The following GOLM1 variants were observed in gnomAD, a reference collection of about 807,000 sequenced individuals.
GOLM1 encodes the protein golgi membrane protein 1.
Under a neutral mutation model 50.5 loss-of-function variants are expected in GOLM1, and 31 were observed. The observed-to-expected ratio is 0.61, with a 90% CI of 0.46 to 0.83. GOLM1 has a LOEUF of 0.83. Among genes scored for constraint, GOLM1 ranks in the 40% least tolerant of loss-of-function variants. GOLM1 has a pLI of 0.00. For synonymous variants in GOLM1, 178 were observed against 192.8 expected, an observed-to-expected ratio of 0.92 and a Z score of 0.64; for missense variants, 491 against 501.3, an observed-to-expected ratio of 0.98 and a Z score of 0.20.
At chr9:86,100,089 G>A (rs2225237), upstream of GOLM1, 36,758 of 152,244 alleles carry the variant, frequency 0.24, 7,538 homozygotes, top group African/African-American at 0.54. Context: ...GGTTGTCACC[G>A]CTCAGGCCTT....
At chr9:86,077,279 G>A in intron 3 of GOLM1, 133 bp downstream of exon 3, 2 of 730,772 alleles carry the variant, frequency 2.7e-6, no homozygotes, top group Non-Finnish European at 4.7e-6. Flanking sequence ...CCCAAAGCTT[G>A]ATCAATAGGC....
At chr9:86,052,415 T>C in intron 4 of GOLM1, 122 bp downstream of exon 4, 1 of 784,030 alleles carries the variant, frequency 1.3e-6, no homozygotes, top group Non-Finnish European at 2.2e-6. Flanking sequence ...GATTGCTCAA[T>C]GACTCATGAC....
intron 1 of GOLM1, among the ~76,000 whole-genome samples, chr9:86,091,636 G>A (rs1321453090): frequency 6.6e-6 from 1 of 152,130 alleles, no homozygotes; most frequent in Non-Finnish European, 1.5e-5. Flanking sequence ...ATGGCTCACT[G>A]CAGCCTTGAA....
At chr9:86,053,031 C>CACCACACCAT (rs1833816752) in intron 3 of GOLM1, among the ~76,000 whole-genome samples, 2 of 15,796 alleles carry the variant, frequency 1.3e-4, no homozygotes, top group Admixed American at 7.0e-4. Context: ...CACAACACCA[C>CACCACACCAT]GCCATATGAC....
At chr9:86,071,078 T>TATACACACACACAC in intron 3 of GOLM1, among the ~76,000 whole-genome samples, 1 of 148,224 alleles carries the variant, frequency 6.7e-6, no homozygotes, top group East Asian at 2.1e-4. Flanking sequence ...TATATACATG[T>TATACACACACACAC]ACACACACAC....
intron 1 of GOLM1, among the ~76,000 whole-genome samples, chr9:86,086,341 C>A (rs1834961171): frequency 1.3e-5 from 2 of 151,614 alleles, no homozygotes; most frequent in Middle Eastern, 3.4e-3. Flanking sequence ...ACTTTAAGTT[C>A]TTTGTAGAGT....
intron 9 of GOLM1, among the ~76,000 whole-genome samples, chr9:86,029,780 T>A (rs1255075022): frequency 6.6e-6 from 1 of 152,210 alleles, no homozygotes; most frequent in Non-Finnish European, 1.5e-5. Context: ...AGGCACTCAT[T>A]TTCTTTACCT....
intron 1 of GOLM1, among the ~76,000 whole-genome samples, chr9:86,087,286 C>T (rs879319700): frequency 2.6e-5 from 4 of 152,156 alleles, no homozygotes; most frequent in African/African-American, 9.7e-5. Context: ...GATTTTTGCA[C>T]ATTGATTTTG....
At position 86,026,725 on chromosome 9, in the gene GOLM1, C is replaced by T. The variant is rs772028011; in HGVS notation, c.*1092G>A. 1 of 981,754 alleles carries T rather than the reference C, an allele frequency of 1.0e-6. No individual in the cohort carries two copies. The highest frequency in any genetic ancestry group is 1.8e-5 in the African/African-American group (1 of 57,136). The allele number at this position is 981,754 out of a possible 1,614,324, so 60.8% of individuals were successfully genotyped here. ...AACCAACTCAAGTCAAACCTTAATG[C>T]CATTGTTATTGTGAATTAGGATTAA... is the stretch of plus-strand genomic sequence containing the variant. On this transcript the variant is annotated 3_prime_UTR_variant, in exon 10 of 10. Coordinates refer to ENST00000388712, the MANE Select transcript of GOLM1 (RefSeq NM_016548.4).
intron 2 of GOLM1, 66 bp from the exon 3 acceptor site, chr9:86,077,657 C>G: frequency 8.3e-7 from 1 of 1,205,764 alleles, no homozygotes; most frequent in Non-Finnish European, 1.2e-6. Context: ...CACCTGAGCG[C>G]CCTCCACAAA....
At chr9:86,079,142 A>G in intron 2 of GOLM1, 50 bp downstream of exon 2, 2 of 1,453,648 alleles carry the variant, frequency 1.4e-6, no homozygotes, top group Non-Finnish European at 1.8e-6. Flanking sequence ...ATAACAAAAT[A>G]AACAAAACAT....
Position 86,027,185 on chromosome 9 carries a change from A to G in GOLM1, c.*632T>C. 1.0e-6 allele frequency: 1 copy of G among 984,542 alleles called. No homozygotes were observed. The allele number at this position is 984,542 out of a possible 1,614,324, so 61.0% of individuals were successfully genotyped here. ...TAGCGTTTTGTACATTAAAAATGACAAGGGTTATTATACAAGTAGCCTTTT... is the reference window on the plus strand; with the variant it reads ...TAGCGTTTTGTACATTAAAAATGACGAGGGTTATTATACAAGTAGCCTTTT... On this transcript the variant is annotated 3_prime_UTR_variant, in exon 10 of 10. Coordinates refer to ENST00000388712, the MANE Select transcript of GOLM1 (RefSeq NM_016548.4).
At chr9:86,080,827 G>T (rs1165470695) in intron 1 of GOLM1, among the ~76,000 whole-genome samples, 2 of 152,104 alleles carry the variant, frequency 1.3e-5, no homozygotes, top group Non-Finnish European at 2.9e-5. Context: ...AGCAAGCACT[G>T]AATATACTCA....
chr9:86,046,649 A>G, intron 4 of GOLM1, 77 bp from the exon 5 acceptor site: 1 of 820,184 alleles, frequency 1.2e-6, no homozygotes. Context: ...TGACAGAGGC[A>G]GACTCACACA....
intron 8 of GOLM1, among the ~76,000 whole-genome samples, chr9:86,034,689 G>C (rs1833080193): frequency 6.6e-6 from 1 of 152,186 alleles, no homozygotes; most frequent in Non-Finnish European, 1.5e-5. Context: ...ATGGAATCAA[G>C]GTAACTTCTG....
At chr9:86,071,241 G>A (rs1834439171) in intron 3 of GOLM1, among the ~76,000 whole-genome samples, 1 of 152,096 alleles carries the variant, frequency 6.6e-6, no homozygotes, top group Non-Finnish European at 1.5e-5. Context: ...AGGACTACAG[G>A]CATGCAACAA....
At chr9:86,077,656 G>T (rs1415718466) in intron 2 of GOLM1, 65 bp from the exon 3 acceptor site, 1 of 1,209,278 alleles carries the variant, frequency 8.3e-7, no homozygotes, top group African/African-American at 1.5e-5. Flanking sequence ...CCACCTGAGC[G>T]CCCTCCACAA....
At chr9:86,030,765 G>A (rs1832950536) in intron 9 of GOLM1, among the ~76,000 whole-genome samples, 2 of 152,088 alleles carry the variant, frequency 1.3e-5, no homozygotes, top group South Asian at 4.1e-4. Flanking sequence ...ATTTTACTGT[G>A]GTTATATAAG....
At chr9:86,035,671 T>TTTAAAAAA in intron 7 of GOLM1, 46 bp from the exon 8 acceptor site, 1 of 872,646 alleles carries the variant, frequency 1.1e-6, no homozygotes, top group Non-Finnish European at 1.6e-6. Context: ...GCATTTGATT[T>TTTAAAAAA]AAAAAAAAAA....
Sources: allele counts gnomAD v4.1 joint callset (sites outside exome capture counted in the v4.1 genomes callset), GRCh38; gene constraint gnomAD v4.1.1; transcripts MANE v1.5; gene names NCBI Gene and HGNC (gene_info 2026-07-23, HGNC 2026-07-21).